Variants in SH3GL3 observed in about 807,000 individuals in gnomAD.
SH3GL3 encodes SH3 domain containing GRB2 like 3, endophilin A3.
SH3GL3 carries 33 observed loss-of-function variants against 47.7 expected under a neutral mutation model. The observed-to-expected ratio is 0.69, with a 90% confidence interval of 0.52 to 0.92. The LOEUF (loss-of-function observed/expected upper bound fraction) is 0.92, where lower values mean the gene tolerates loss of function less well. Ranked by LOEUF, SH3GL3 falls within the 40% of genes least tolerant of loss-of-function variation. The pLI, the probability that SH3GL3 is intolerant of heterozygous loss-of-function variation, is 0.00. For missense variants in SH3GL3, 363 were observed against 417.8 expected (o/e 0.87, Z 1.14); for synonymous variants, 155 against 148.8 (o/e 1.04, Z -0.30).
intron 2 of SH3GL3, among the ~76,000 whole-genome samples, chr15:83,562,549 G>A (rs895655039): frequency 2.0e-5 from 3 of 152,024 alleles, no homozygotes; most frequent in African/African-American, 7.2e-5. Context: ...GCTTTAAACT[G>A]AACTTATGAA....
chr15:83,608,041 G>A (rs1192470393), intron 8 of SH3GL3, among the ~76,000 whole-genome samples: 1 of 151,984 alleles, frequency 6.6e-6, no homozygotes, highest in Non-Finnish European at 1.5e-5. Context: ...GTAAGGTGGG[G>A]GAGGGCAAAA....
At chr15:83,517,978 A>C (rs1251629576) in intron 1 of SH3GL3, among the ~76,000 whole-genome samples, 1 of 151,994 alleles carries the variant, frequency 6.6e-6, no homozygotes, top group Non-Finnish European at 1.5e-5. Flanking sequence ...TTTAGCTCCC[A>C]CTTATAAGTG....
intron 2 of SH3GL3, among the ~76,000 whole-genome samples, chr15:83,559,881 T>C (rs889143733): frequency 6.6e-6 from 1 of 152,234 alleles, no homozygotes; most frequent in South Asian, 2.1e-4. Context: ...GTGAGAATTA[T>C]GCAAACATTA....
intron 8 of SH3GL3, among the ~76,000 whole-genome samples, chr15:83,606,668 A>G (rs1177491372): frequency 6.6e-6 from 1 of 152,216 alleles, no homozygotes; most frequent in Non-Finnish European, 1.5e-5. Context: ...AGAAATAAAT[A>G]AGGAAACAAG....
intron 1 of SH3GL3, among the ~76,000 whole-genome samples, chr15:83,500,088 A>G (rs2042234820): frequency 1.3e-5 from 2 of 152,186 alleles, no homozygotes; most frequent in South Asian, 2.1e-4. Context: ...ATGCCAGCTC[A>G]GATGGAATCA....
intron 1 of SH3GL3, among the ~76,000 whole-genome samples, chr15:83,538,104 G>A (rs2044000434): frequency 6.6e-6 from 1 of 152,154 alleles, no homozygotes; most frequent in African/African-American, 2.4e-5. Flanking sequence ...CAGTCACAAT[G>A]TAATAGCCCC....
intron 1 of SH3GL3, among the ~76,000 whole-genome samples, chr15:83,519,338 A>C (rs2043114920): frequency 6.6e-6 from 1 of 152,088 alleles, no homozygotes; most frequent in Admixed American, 6.5e-5. Flanking sequence ...ATCATCTATG[A>C]TTTCTTTCAG....
chr15:83,537,867 T>C (rs2043983376), intron 1 of SH3GL3, among the ~76,000 whole-genome samples: 1 of 152,138 alleles, frequency 6.6e-6, no homozygotes, highest in Non-Finnish European at 1.5e-5. Flanking sequence ...GTTATAGATG[T>C]TATGGATATG....
At chr15:83,514,624 C>A (rs1479770584) in intron 1 of SH3GL3, among the ~76,000 whole-genome samples, 1 of 151,904 alleles carries the variant, frequency 6.6e-6, no homozygotes, top group Non-Finnish European at 1.5e-5. Context: ...GAATTCTTAC[C>A]CAGTTTAAAA....
At chr15:83,554,476 G>T (rs1024514122) in intron 1 of SH3GL3, among the ~76,000 whole-genome samples, 9 of 152,006 alleles carry the variant, frequency 5.9e-5, no homozygotes, top group Non-Finnish European at 1.0e-4. Flanking sequence ...ATGAGCCACT[G>T]CACCCAGCCT....
intron 1 of SH3GL3, among the ~76,000 whole-genome samples, chr15:83,521,078 C>T (rs2151651298): frequency 6.6e-6 from 1 of 152,284 alleles, no homozygotes; most frequent in African/African-American, 2.4e-5. Flanking sequence ...TGTGTTTCCT[C>T]TTACTGATAT....
rs111970094 is a variant in SH3GL3 at position 83,533,662 on chromosome 15, C to G, written c.46-25591C>G. Among the ~76,000 whole-genome samples, 79 of 152,302 alleles carry G rather than the reference C, an allele frequency of 5.2e-4. 1 individual carries two copies. Among genetic ancestry groups the G allele is most frequent in the African/African-American group, 1.7e-3 (71 of 41,566 alleles). ...GTTGGCCTCGGGTAGGGCATTGCCA[C>G]AGGGAGGGTGTGTGCTCCCTTTGAG... On this transcript the variant is annotated intron_variant, in intron 1 of 8. Transcript: ENST00000427482.
In SH3GL3 at chr15:83,565,119, A is replaced by C. The variant is rs751875660; in HGVS notation, c.115-15A>C. 5 of 1,264,166 alleles carry C rather than the reference A, an allele frequency of 4.0e-6. No homozygotes were observed. The African/African-American group carries it at 7.5e-5, about 19-fold the overall frequency. 78.3% of individuals were successfully genotyped at this position (1,264,166 alleles called of 1,614,324 possible). A position where few individuals can be genotyped will look rare whatever the true frequency, so the allele number is the denominator to read the frequency against. Reference sequence around the variant, plus strand: ...GTTTGTCATTTACTAACTTTTTTTAAATTTTGCTTTTAAGAAAATAGATGT... The same window carrying C: ...GTTTGTCATTTACTAACTTTTTTTACATTTTGCTTTTAAGAAAATAGATGT... On this transcript the variant is annotated splice_polypyrimidine_tract_variant and intron_variant, in intron 2 of 8. Coordinates refer to ENST00000427482, the MANE Select transcript of SH3GL3 (RefSeq NM_003027.5).
At chr15:83,532,553 G>A (rs746610028) in intron 1 of SH3GL3, among the ~76,000 whole-genome samples, 3 of 152,160 alleles carry the variant, frequency 2.0e-5, no homozygotes, top group Non-Finnish European at 4.4e-5. Flanking sequence ...TTTATCCTGG[G>A]TATGAAGGAA....
In SH3GL3 at chr15:83,618,184, T is replaced by A; in HGVS notation, c.941T>A (p.Leu314Ter). 6.2e-7 allele frequency: 1 copy of A among 1,609,588 alleles called. No individual in the cohort carries two copies. Among genetic ancestry groups the A allele is most frequent in the Non-Finnish European group, 8.5e-7 (1 of 1,175,830 alleles). Reference protein sequence around the residue: ...LGFKEGDIITLTNQIDENWYE... With the variant: ...LGFKEGDIIT Reference sequence around the variant, plus strand: ...TTTAAAGAAGGGGACATCATTACATTAACCAATCAAATAGATGAAAACTGG... The same window carrying A: ...TTTAAAGAAGGGGACATCATTACATAAACCAATCAAATAGATGAAAACTGG... The change falls in exon 9 of 9, where the codon TTA becomes TAA. Residue 314 changes from leucine (L) to a stop codon, truncating the protein, a stop_gained. Transcript: ENST00000427482. LOFTEE classifies it high-confidence loss of function.
chr15:83,530,898 A>G (rs1203341224), intron 1 of SH3GL3, among the ~76,000 whole-genome samples: 1 of 152,216 alleles, frequency 6.6e-6, no homozygotes, highest in Non-Finnish European at 1.5e-5. Context: ...TCACATGGTT[A>G]GAGACATTAC....
At chr15:83,468,119 T>C (rs936812897) in intron 1 of SH3GL3, among the ~76,000 whole-genome samples, 6 of 152,244 alleles carry the variant, frequency 3.9e-5, no homozygotes, top group East Asian at 1.9e-4. Context: ...CATGAGCCAC[T>C]GCGCCCTGCC....
At chr15:83,624,988 C>T in the SH3GL3 span, among the ~76,000 whole-genome samples, 3 of 152,074 alleles carry the variant, frequency 2.0e-5, no homozygotes, top group South Asian at 2.1e-4. Flanking sequence ...AGGCCAGGCA[C>T]GGTGGCTTAT....
chr15:83,633,238 TAGTA>T, the SH3GL3 span, among the ~76,000 whole-genome samples: 1 of 152,210 alleles, frequency 6.6e-6, no homozygotes, highest in Non-Finnish European at 1.5e-5. Flanking sequence ...TGAGAGAACA[TAGTA>T]AGAAATTAGT....
Sources: gnomAD v4.1 joint callset for allele counts (sites outside exome capture counted in the v4.1 genomes callset) on GRCh38, gnomAD v4.1.1 for gene constraint, MANE v1.5 for transcripts, NCBI Gene and HGNC (gene_info 2026-07-23, HGNC 2026-07-21) for gene names.